Variants in RBFOX1 observed in about 807,000 individuals in gnomAD.
RBFOX1 encodes RNA binding protein fox-1 homolog 1.
In RBFOX1, 8 loss-of-function variants were observed where a neutral mutation model predicts 57.7. The observed-to-expected ratio is 0.14, with a 90% CI of 0.08 to 0.25. RBFOX1 has a LOEUF of 0.25. RBFOX1 is among the 10% of genes least tolerant of loss of function. The pLI is 1.00. For synonymous variants in RBFOX1, 326 were observed against 222.4 expected (o/e 1.47, Z -4.15); for missense variants, 611 against 548.5 (o/e 1.11, Z -1.14).
At chr16:7,131,900 C>T (rs1387549352) in intron 4 of RBFOX1, among the ~76,000 whole-genome samples, 1 of 152,018 alleles carries the variant, frequency 6.6e-6, no homozygotes, top group African/African-American at 2.4e-5. Context: ...TGAGAGGCTT[C>T]CCAGTATCTT....
At chr16:6,913,043 G>C (rs959182068) in intron 3 of RBFOX1, among the ~76,000 whole-genome samples, 2 of 151,968 alleles carry the variant, frequency 1.3e-5, no homozygotes. Flanking sequence ...GGCTTCTGAT[G>C]GGTGGAAAAG....
intron 4 of RBFOX1, among the ~76,000 whole-genome samples, chr16:7,167,759 T>C (rs2079862996): frequency 6.6e-6 from 1 of 152,204 alleles, no homozygotes; most frequent in Non-Finnish European, 1.5e-5. Context: ...CCTTATTCAT[T>C]TACGTATTGT....
intron 2 of RBFOX1, among the ~76,000 whole-genome samples, chr16:6,403,648 C>T (rs889443557): frequency 6.6e-6 from 1 of 152,090 alleles, no homozygotes; most frequent in African/African-American, 2.4e-5. Flanking sequence ...AGCCACCGTG[C>T]CTGACATCAG....
intron 3 of RBFOX1, among the ~76,000 whole-genome samples, chr16:6,960,306 CTT>C (rs2082690698): frequency 6.6e-6 from 1 of 152,158 alleles, no homozygotes; most frequent in Non-Finnish European, 1.5e-5. Context: ...AAGTTAATCA[CTT>C]ACGTCTTTAG....
chr16:5,965,713 G>C (rs1409565164), intron 4 of RBFOX1, among the ~76,000 whole-genome samples: 1 of 152,140 alleles, frequency 6.6e-6, no homozygotes, highest in Middle Eastern at 3.2e-3. Flanking sequence ...GACTTAAGCA[G>C]ACTCTAATTT....
chr16:6,688,261 T>A (rs916467982), intron 3 of RBFOX1, among the ~76,000 whole-genome samples: 1 of 151,676 alleles, frequency 6.6e-6, no homozygotes, highest in Non-Finnish European at 1.5e-5. Context: ...TGCTACACAA[T>A]TGTAAACAAC....
chr16:6,285,335 G>C (rs2076793281), intron 1 of RBFOX1, among the ~76,000 whole-genome samples: 1 of 152,136 alleles, frequency 6.6e-6, no homozygotes, highest in Admixed American at 6.5e-5. Context: ...ACTATATCTG[G>C]AAGTATGAAT....
chr16:6,822,797 C>G (rs1232067691), intron 3 of RBFOX1, among the ~76,000 whole-genome samples: 1 of 152,188 alleles, frequency 6.6e-6, no homozygotes, highest in Non-Finnish European at 1.5e-5. Flanking sequence ...TGGTCTGACT[C>G]TCCAACCAGG....
chr16:5,728,982 G>C (rs1239418486), intron 3 of RBFOX1, among the ~76,000 whole-genome samples: 1 of 152,144 alleles, frequency 6.6e-6, no homozygotes, highest in South Asian at 2.1e-4. Context: ...CATAGCCCTG[G>C]CTCCTGTCAA....
chr16:7,709,591 C>G, intron 15 of RBFOX1: 8 of 1,531,194 alleles, frequency 5.2e-6, no homozygotes, highest in Non-Finnish European at 7.0e-6. Context: ...TGCCTCTCCT[C>G]CCCTATTACA....
chr16:5,407,209 A>T (rs2066891176), intron 1 of RBFOX1, among the ~76,000 whole-genome samples: 1 of 152,186 alleles, frequency 6.6e-6, no homozygotes, highest in Admixed American at 6.5e-5. Flanking sequence ...GAACTCACTC[A>T]GTATCATGAG....
intron 4 of RBFOX1, among the ~76,000 whole-genome samples, chr16:7,391,852 G>T (rs926643692): frequency 5.3e-5 from 8 of 152,180 alleles, no homozygotes; most frequent in South Asian, 2.1e-4. Flanking sequence ...CAACCAGCCT[G>T]TCCAGACACT....
chr16:6,895,355 C>G (rs982296604), intron 3 of RBFOX1, among the ~76,000 whole-genome samples: 1 of 148,912 alleles, frequency 6.7e-6, no homozygotes, highest in African/African-American at 2.5e-5. Flanking sequence ...TGGAACTAAG[C>G]AGATAGGAGA....
At chr16:5,975,763 G>T (rs367700580) in intron 4 of RBFOX1, among the ~76,000 whole-genome samples, 1 of 152,214 alleles carries the variant, frequency 6.6e-6, no homozygotes, top group South Asian at 2.1e-4. Context: ...TGGTTGTGCT[G>T]CTTTGGGTAG....
At chr16:6,066,218 G>A (rs11647683) in intron 1 of RBFOX1, among the ~76,000 whole-genome samples, 4 of 146,892 alleles carry the variant, frequency 2.7e-5, no homozygotes, top group African/African-American at 1.0e-4. Context: ...TGCTTGAACT[G>A]GGGGGGTTGG....
intron 4 of RBFOX1, among the ~76,000 whole-genome samples, chr16:7,323,378 C>T (rs1006216725): frequency 6.6e-6 from 1 of 152,192 alleles, no homozygotes; most frequent in Admixed American, 6.5e-5. Context: ...GAGCTATGAT[C>T]ATGCCACTGC....
Position 5,530,933 on chromosome 16 carries a change from T to TAAAAAA in RBFOX1, c.258+63716_258+63721dup, listed in dbSNP as rs59311923. ...CGAAACCCTGTCTCTACTAAAAATATAAAAAAAAAAAAAAAAAAAAAAAAA... is the reference window on the plus strand; with the variant it reads ...CGAAACCCTGTCTCTACTAAAAATATAAAAAAAAAAAAAAAAAAAAAAAAAAAAAAA... On this transcript the variant is annotated intron_variant, in intron 2 of 2. Coordinates refer to the RBFOX1 transcript ENST00000585867. Among the ~76,000 whole-genome samples the TAAAAAA allele has an allele frequency of 3.0e-3, 167 of 55,026 alleles. 11 individuals carry two copies. Among genetic ancestry groups the TAAAAAA allele is most frequent in the Non-Finnish European group, 3.5e-3 (113 of 32,058 alleles). 36.1% of individuals were successfully genotyped at this position (55,026 alleles called of 152,430 possible).
intron 3 of RBFOX1, among the ~76,000 whole-genome samples, chr16:6,782,343 C>G (rs2154237635): frequency 6.6e-6 from 1 of 152,224 alleles, no homozygotes; most frequent in East Asian, 1.9e-4. Flanking sequence ...TGCTGTATCC[C>G]ATAGGTTTCA....
At chr16:6,979,586 A>G (rs1038125631) in intron 3 of RBFOX1, among the ~76,000 whole-genome samples, 9 of 152,230 alleles carry the variant, frequency 5.9e-5, no homozygotes, top group African/African-American at 1.2e-4. Flanking sequence ...ATTGCAGCAC[A>G]GTACAGGGGT....
Sources: gnomAD v4.1 joint callset for allele counts (sites outside exome capture counted in the v4.1 genomes callset) on GRCh38, gnomAD v4.1.1 for gene constraint, MANE v1.5 for transcripts, NCBI Gene and HGNC (gene_info 2026-07-23, HGNC 2026-07-21) for gene names.